NOS1AP: variants seen among roughly 807,000 people sequenced by gnomAD.
NOS1AP encodes nitric oxide synthase 1 adaptor protein.
Under a neutral mutation model 56.2 loss-of-function variants are expected in NOS1AP, and 21 were observed. The ratio of observed to expected loss-of-function variants is 0.37; its 90% CI spans 0.26 to 0.54. The LOEUF is 0.54. NOS1AP is among the 20% of genes least tolerant of loss of function. NOS1AP has a pLI of 0.84. For synonymous variants in NOS1AP, 270 were observed against 274.6 expected (o/e 0.98, Z 0.17); for missense variants, 522 against 657.8 (o/e 0.79, Z 2.26).
At chr1:162,161,089 C>T (rs1278848415) in intron 2 of NOS1AP, among the ~76,000 whole-genome samples, 1 of 152,192 alleles carries the variant, frequency 6.6e-6, no homozygotes, top group Non-Finnish European at 1.5e-5. Context: ...CTCTGACTCT[C>T]CTGCACCTCC....
In NOS1AP at chr1:162,188,773, G is replaced by A. The variant is rs548706472; in HGVS notation, c.177+34297G>A. 1.5e-4 allele frequency among the ~76,000 whole-genome samples: 23 copies of A among 152,220 alleles called. No individual in the cohort carries two copies. Among genetic ancestry groups the A allele is most frequent in the Non-Finnish European group, 2.6e-4 (18 of 68,014 alleles). ...GAACAGTTGGTTAAGATTATTTTAG[G>A]CTGAGCACGGTGGCTCACGCCTGTA... On this transcript the variant is annotated intron_variant, in intron 2 of 9. Coordinates refer to ENST00000361897, the MANE Select transcript of NOS1AP (RefSeq NM_014697.3). This position sits in a 1 kb window ranked among gnomAD's most constrained non-coding sequence, Gnocchi z 4.0.
At chr1:162,243,941 G>A (rs571756617) in intron 2 of NOS1AP, among the ~76,000 whole-genome samples, 1 of 152,298 alleles carries the variant, frequency 6.6e-6, no homozygotes, top group Admixed American at 6.5e-5. Flanking sequence ...TGTCATTTGA[G>A]GGAGTGAGTC....
chr1:162,154,335 T>G (rs571655642), intron 1 of NOS1AP, 70 bp from the exon 2 acceptor site: 1 of 1,426,044 alleles, frequency 7.0e-7, no homozygotes, highest in Admixed American at 1.7e-5. Flanking sequence ...TCCTTTACCC[T>G]TTGGAACTTT....
At chr1:162,199,840 C>T (rs1651935872) in intron 2 of NOS1AP, among the ~76,000 whole-genome samples, 1 of 152,048 alleles carries the variant, frequency 6.6e-6, no homozygotes, top group Admixed American at 6.5e-5. Context: ...GTTTGATTTG[C>T]CGACTTAAAA....
intron 6 of NOS1AP, among the ~76,000 whole-genome samples, chr1:162,354,394 G>T (rs1657621752): frequency 6.6e-6 from 1 of 152,266 alleles, no homozygotes; most frequent in Non-Finnish European, 1.5e-5. Context: ...AAGGAAGGAA[G>T]ATAAGTAGGA....
intron 3 of NOS1AP, among the ~76,000 whole-genome samples, chr1:162,290,125 C>G (rs775676579): frequency 1.5e-4 from 23 of 152,192 alleles, no homozygotes; most frequent in Non-Finnish European, 2.9e-4. Context: ...CACTTTGAAA[C>G]TACGTCCTGG....
At chr1:162,154,117 G>A (rs1649832844) in intron 1 of NOS1AP, among the ~76,000 whole-genome samples, 2 of 152,064 alleles carry the variant, frequency 1.3e-5, no homozygotes, top group Admixed American at 6.5e-5. Context: ...AAGTAGTGGT[G>A]GAAGAGTCTT....
chr1:162,245,776 G>A (rs1653642245), intron 2 of NOS1AP, among the ~76,000 whole-genome samples: 1 of 152,178 alleles, frequency 6.6e-6, no homozygotes, highest in African/African-American at 2.4e-5. Flanking sequence ...TTGATTTCTG[G>A]GTGTGTCAGA....
intron 1 of NOS1AP, among the ~76,000 whole-genome samples, chr1:162,081,748 A>G (rs1386075622): frequency 1.6e-5 from 1 of 63,818 alleles, no homozygotes; most frequent in African/African-American, 5.0e-5. Context: ...CTATATCTAT[A>G]TCTATAGATA....
intron 1 of NOS1AP, among the ~76,000 whole-genome samples, chr1:162,128,136 A>AT (rs200689197): frequency 2.3e-4 from 35 of 150,300 alleles, no homozygotes; most frequent in Non-Finnish European, 3.6e-4. Flanking sequence ...TAGTACTTGG[A>AT]TTTTTTTTTT....
At chr1:162,315,863 G>C (rs1021322069) in intron 4 of NOS1AP, among the ~76,000 whole-genome samples, 2 of 152,198 alleles carry the variant, frequency 1.3e-5, no homozygotes, top group African/African-American at 4.8e-5. Flanking sequence ...ATTAAGGTTT[G>C]TCCTTTGGAC....
chr1:162,130,161 G>C (rs12084985), intron 1 of NOS1AP, among the ~76,000 whole-genome samples: 1 of 152,002 alleles, frequency 6.6e-6, no homozygotes, highest in Non-Finnish European at 1.5e-5. Context: ...GTGGAGTTAC[G>C]GCTATTTCTG....
intron 1 of NOS1AP, among the ~76,000 whole-genome samples, chr1:162,106,218 T>G (rs528995531): frequency 1.8e-4 from 27 of 152,256 alleles, no homozygotes; most frequent in African/African-American, 6.5e-4. Context: ...TTTCCTTGGC[T>G]GGGGGTTGGG....
At chr1:162,356,458 C>T (rs1657708280) in intron 7 of NOS1AP, among the ~76,000 whole-genome samples, 1 of 152,206 alleles carries the variant, frequency 6.6e-6, no homozygotes, top group Non-Finnish European at 1.5e-5. Flanking sequence ...CACATGGCCC[C>T]TTCCTCCAGG....
At chr1:162,358,752 T>A (rs1510289) in intron 8 of NOS1AP, among the ~76,000 whole-genome samples, 9,228 of 152,294 alleles carry the variant, frequency 0.061, 300 homozygotes, top group South Asian at 0.13. Flanking sequence ...ATAATACTTT[T>A]ATTTTGCAGC....
chr1:162,170,665 G>A (rs1270039781), intron 2 of NOS1AP, among the ~76,000 whole-genome samples: 5 of 152,142 alleles, frequency 3.3e-5, no homozygotes, highest in African/African-American at 4.8e-5. Flanking sequence ...GGTGGCTCAC[G>A]CCTGTAATCC....
chr1:162,172,181 A>T (rs1023072284), intron 2 of NOS1AP, among the ~76,000 whole-genome samples: 1 of 152,220 alleles, frequency 6.6e-6, no homozygotes, highest in African/African-American at 2.4e-5. Flanking sequence ...GGTTGTGGGG[A>T]GAGGGACAAG....
chr1:162,154,220 G>A (rs140988948), intron 1 of NOS1AP, among the ~76,000 whole-genome samples, 185 bp from the exon 2 acceptor site: 555 of 152,298 alleles, frequency 3.6e-3, no homozygotes, highest in Non-Finnish European at 6.8e-3. Flanking sequence ...AAAGGAAGCA[G>A]TAATTTCTGG....
intron 2 of NOS1AP, among the ~76,000 whole-genome samples, chr1:162,180,751 T>A (rs1444707277): frequency 2.0e-5 from 3 of 152,128 alleles, no homozygotes; most frequent in Admixed American, 6.5e-5. Context: ...AGATGACCCA[T>A]GAGCTTCAGA....
Sources: gnomAD v4.1 joint callset for allele counts (sites outside exome capture counted in the v4.1 genomes callset) on GRCh38, gnomAD v4.1.1 for gene constraint, Gnocchi (gnomAD v3.1) non-coding constraint, MANE v1.5 for transcripts, NCBI Gene and HGNC (gene_info 2026-07-23, HGNC 2026-07-21) for gene names.